Variants in ADTRP observed in about 807,000 individuals in gnomAD.
The protein encoded by ADTRP is androgen dependent TFPI regulating protein, also known as androgen-dependent TFPI-regulating protein.
In ADTRP, 20 loss-of-function variants were observed where a neutral mutation model predicts 27.0. The observed-to-expected ratio is 0.74, with a 90% CI of 0.52 to 1.08. The LOEUF is 1.08. ADTRP is among the 50% of genes least tolerant of loss of function. ADTRP has a pLI of 0.00. For missense variants in ADTRP, 251 were observed against 275.0 expected, an observed-to-expected ratio of 0.91 and a Z score of 0.62; for synonymous variants, 101 against 105.2, an observed-to-expected ratio of 0.96 and a Z score of 0.25.
intron 4 of ADTRP, among the ~76,000 whole-genome samples, chr6:11,732,475 GAGCC>G (rs1293092950): frequency 1.3e-5 from 2 of 152,184 alleles, no homozygotes; most frequent in Non-Finnish European, 2.9e-5. Flanking sequence ...TGGCTGTGAG[GAGCC>G]AGGGGCCCTG....
At chr6:11,730,932 C>T (rs1762361324) in intron 4 of ADTRP, among the ~76,000 whole-genome samples, 1 of 152,200 alleles carries the variant, frequency 6.6e-6, no homozygotes, top group Admixed American at 6.5e-5. Context: ...ATTCTACCAA[C>T]ACAGGGGGCT....
intron 1 of ADTRP, among the ~76,000 whole-genome samples, chr6:11,772,339 C>A (rs1380751402): frequency 6.6e-6 from 1 of 152,178 alleles, no homozygotes; most frequent in African/African-American, 2.4e-5. Context: ...TAATGCAATT[C>A]AAAAAACTGC....
intron 3 of ADTRP, among the ~76,000 whole-genome samples, chr6:11,752,567 G>C (rs1032123185): frequency 1.3e-5 from 2 of 152,164 alleles, no homozygotes; most frequent in African/African-American, 4.8e-5. Context: ...TGATTCATGG[G>C]AGCTCACCAG....
At chr6:11,735,103 C>T (rs1356349957) in intron 4 of ADTRP, among the ~76,000 whole-genome samples, 1 of 152,192 alleles carries the variant, frequency 6.6e-6, no homozygotes, top group Non-Finnish European at 1.5e-5. Context: ...TCTAGGAGCT[C>T]TGATGCCAGC....
In ADTRP at chr6:11,778,748, A is replaced by C. The variant is rs184469982; in HGVS notation, c.12T>G (p.Thr4=). Residue 4 remains threonine, a synonymous_variant, in exon 1 of 6, where the codon ACT becomes ACG. Transcript: ENST00000414691. ...CAAGGAAGTGGTATATGCATGTAGAAGTCTTCGTCATGGCGAGTGCTGACC... is the reference window on the plus strand; with the variant it reads ...CAAGGAAGTGGTATATGCATGTAGACGTCTTCGTCATGGCGAGTGCTGACC... The part of the protein sequence containing the change: MTK[T]STCIYHFLVL... The C allele has an allele frequency of 3.7e-6, 6 of 1,614,040 alleles. No individual in the cohort carries two copies. In the East Asian group the frequency reaches 1.1e-4, roughly 30 times the overall value.
At chr6:11,752,617 T>C (rs1424499724) in intron 3 of ADTRP, among the ~76,000 whole-genome samples, 8 of 152,346 alleles carry the variant, frequency 5.3e-5, no homozygotes, top group Admixed American at 3.9e-4. Context: ...TGAACTGCTA[T>C]CATTGATCTC....
chr6:11,751,181 G>T (rs1193467236), intron 3 of ADTRP, among the ~76,000 whole-genome samples: 1 of 152,218 alleles, frequency 6.6e-6, no homozygotes, highest in East Asian at 1.9e-4. Flanking sequence ...TTAGTGATTA[G>T]TTGCATAGTG....
In ADTRP at chr6:11,778,511, A is replaced by G. The variant is rs149348883; in HGVS notation, c.153+96T>C. The stretch of plus-strand genomic sequence containing the variant: ...CGGTGAAGAAGGAAGACAAATAACA[A>G]AATTGTGTATTTAATAAAATCCAAA... On this transcript the variant is annotated intron_variant, in intron 1 of 5. Transcript: ENST00000414691. The G allele has an allele frequency of 2.8e-4, 396 of 1,424,774 alleles. 3 individuals carry two copies. In the African/African-American group the frequency reaches 5.3e-3, roughly 19 times the overall value. 88.3% of individuals were successfully genotyped at this position (1,424,774 alleles called of 1,614,324 possible).
At chr6:11,757,730 G>A (rs1763259036) in intron 3 of ADTRP, among the ~76,000 whole-genome samples, 1 of 152,220 alleles carries the variant, frequency 6.6e-6, no homozygotes, top group South Asian at 2.1e-4. Flanking sequence ...TGACAGGGCA[G>A]AGACAGCAGT....
At chr6:11,744,635 C>T (rs1000794729) in intron 3 of ADTRP, among the ~76,000 whole-genome samples, 17 of 152,194 alleles carry the variant, frequency 1.1e-4, no homozygotes, top group African/African-American at 4.1e-4. Context: ...CTCCTCCATG[C>T]CCCTCCTCTT....
At chr6:11,759,862 C>T (rs75013316) in intron 3 of ADTRP, among the ~76,000 whole-genome samples, 1 of 152,030 alleles carries the variant, frequency 6.6e-6, no homozygotes, top group Non-Finnish European at 1.5e-5. Flanking sequence ...AGAGGCAGAA[C>T]AAAAGGTGAT....
chr6:11,762,999 G>A (rs2235395), intron 3 of ADTRP, among the ~76,000 whole-genome samples: 19,026 of 152,190 alleles, frequency 0.13, 1,561 homozygotes, highest in East Asian at 0.46. Context: ...AACCTGAAGG[G>A]CTACTTTGCT....
At chr6:11,720,849 T>C (rs1178085276) in intron 5 of ADTRP, among the ~76,000 whole-genome samples, 1 of 152,160 alleles carries the variant, frequency 6.6e-6, no homozygotes, top group Admixed American at 6.5e-5. Context: ...TCTACAGCCA[T>C]TAGAGTCACT....
intron 3 of ADTRP, among the ~76,000 whole-genome samples, chr6:11,743,659 G>A (rs1258947013): frequency 6.6e-6 from 1 of 152,196 alleles, no homozygotes; most frequent in East Asian, 1.9e-4. Flanking sequence ...AACAACTCAA[G>A]GCTTAGGGTC....
chr6:11,731,200 A>C (rs914329359), intron 4 of ADTRP, among the ~76,000 whole-genome samples: 2 of 152,240 alleles, frequency 1.3e-5, no homozygotes, highest in Non-Finnish European at 2.9e-5. Flanking sequence ...ATATCACTGG[A>C]ACTGTGAAAT....
intron 4 of ADTRP, among the ~76,000 whole-genome samples, chr6:11,735,320 C>CGA (rs973193386): frequency 2.6e-5 from 4 of 152,094 alleles, no homozygotes; most frequent in Non-Finnish European, 5.9e-5. Context: ...TAATTCTTCA[C>CGA]GAGAGAGAGA....
intron 2 of ADTRP, among the ~76,000 whole-genome samples, chr6:11,766,671 A>C (rs752067808): frequency 6.6e-6 from 1 of 152,184 alleles, no homozygotes; most frequent in Non-Finnish European, 1.5e-5. Context: ...GGATTCCCAG[A>C]CCATTAGTCA....
chr6:11,768,946 C>T (rs973007591), intron 1 of ADTRP, among the ~76,000 whole-genome samples: 2 of 151,860 alleles, frequency 1.3e-5, no homozygotes, highest in East Asian at 3.9e-4. Context: ...TTAAATAGGG[C>T]ACCTGCAGGC....
intron 5 of ADTRP, among the ~76,000 whole-genome samples, chr6:11,716,643 C>G (rs1355428804): frequency 1.3e-5 from 2 of 152,036 alleles, no homozygotes; most frequent in Non-Finnish European, 2.9e-5. Flanking sequence ...TGAATTCTCA[C>G]AGAGCTAAGC....
Sources: allele counts gnomAD v4.1 joint callset (sites outside exome capture counted in the v4.1 genomes callset), GRCh38; gene constraint gnomAD v4.1.1; transcripts MANE v1.5; gene names NCBI Gene and HGNC (gene_info 2026-07-23, HGNC 2026-07-21).